The following DDX46 variants were observed in gnomAD, a reference collection of about 807,000 sequenced individuals.
DDX46 encodes the protein DEAD-box helicase 46, also known as probable ATP-dependent RNA helicase DDX46.
In DDX46, 30 loss-of-function variants were observed where a neutral mutation model predicts 134.9. The observed-to-expected ratio is 0.22, with a 90% CI of 0.17 to 0.30. DDX46 has a LOEUF of 0.30. DDX46 is among the 10% of genes least tolerant of loss of function. The pLI, the probability that DDX46 is intolerant of heterozygous loss-of-function variation, is 1.00. For missense variants in DDX46, 622 were observed against 1,248.7 expected (o/e 0.50, Z 7.56); for synonymous variants, 415 against 404.1 (o/e 1.03, Z -0.32).
intron 15 of DDX46, among the ~76,000 whole-genome samples, chr5:134,796,569 C>G (rs998299222): frequency 6.6e-5 from 10 of 152,150 alleles, no homozygotes; most frequent in African/African-American, 2.2e-4. Context: ...ACACAAAACA[C>G]AGACCGGGCA....
intron 3 of DDX46, 98 bp downstream of exon 3, chr5:134,767,158 G>A (rs1375868946): frequency 1.4e-6 from 2 of 1,425,740 alleles, no homozygotes; most frequent in Non-Finnish European, 1.9e-6. Context: ...TATTTATAGA[G>A]AATTAACTGC....
rs566528907 is a variant in DDX46, at chr5:134,810,343, C to CT, written c.2149-866dup. Among the ~76,000 whole-genome samples the CT allele has an allele frequency of 2.1e-3, 307 of 144,872 alleles. 1 individual carries two copies. Among genetic ancestry groups the CT allele is most frequent in the African/African-American group, 5.3e-3 (213 of 39,852 alleles). On this transcript the variant is annotated intron_variant, in intron 16 of 22. Coordinates refer to ENST00000452510, the MANE Select transcript of DDX46 (RefSeq NM_001300860.2). The stretch of plus-strand genomic sequence containing the variant: ...CATTTGTGTAAAATTACCTATGTTT[C>CT]TTTTTTTTTTTTGAGACGGAGTTTC...
chr5:134,778,278 A>C (rs919630345), intron 6 of DDX46, among the ~76,000 whole-genome samples: 3 of 152,138 alleles, frequency 2.0e-5, no homozygotes, highest in Non-Finnish European at 4.4e-5. Context: ...TCGGCCTCCC[A>C]AAATACTTGG....
chr5:134,814,828 CTG>C (rs1349619588), intron 18 of DDX46, among the ~76,000 whole-genome samples: 2 of 152,174 alleles, frequency 1.3e-5, no homozygotes, highest in African/African-American at 4.8e-5. Flanking sequence ...GTTGCCCAGG[CTG>C]GTCTTGAACT....
chr5:134,810,117 T>C (rs1755100360), intron 16 of DDX46, among the ~76,000 whole-genome samples: 1 of 152,126 alleles, frequency 6.6e-6, no homozygotes, highest in Non-Finnish European at 1.5e-5. Context: ...TTGCCATTTT[T>C]GCCCAGGCTG....
chr5:134,781,896 TTTAA>T, intron 7 of DDX46, 21 bp from the exon 8 acceptor site: 1 of 1,589,532 alleles, frequency 6.3e-7, no homozygotes, highest in Non-Finnish European at 8.5e-7. Flanking sequence ...AACTTAGCGC[TTTAA>T]TTTTTTCTTT....
chr5:134,809,037 A>G (rs1218641618), intron 16 of DDX46, among the ~76,000 whole-genome samples: 1 of 152,202 alleles, frequency 6.6e-6, no homozygotes, highest in Non-Finnish European at 1.5e-5. Flanking sequence ...CCTTTGAGGT[A>G]AATAATATTA....
intron 14 of DDX46, 62 bp downstream of exon 14, chr5:134,795,076 T>A: frequency 6.3e-7 from 1 of 1,577,604 alleles, no homozygotes; most frequent in South Asian, 1.2e-5. Context: ...GTATGATTCT[T>A]CTATGATCAC....
At chr5:134,814,611 GGTTTT>G (rs779588723) in intron 18 of DDX46, among the ~76,000 whole-genome samples, 2 of 151,978 alleles carry the variant, frequency 1.3e-5, no homozygotes, top group African/African-American at 2.4e-5. Context: ...GTTTTCTTGG[GGTTTT>G]GTTTTGTTTT....
intron 1 of DDX46, among the ~76,000 whole-genome samples, chr5:134,763,023 C>T (rs1279257911): frequency 6.6e-6 from 1 of 151,744 alleles, no homozygotes; most frequent in East Asian, 1.9e-4. Flanking sequence ...TGTGCCACTG[C>T]ACTCCAGCCT....
chr5:134,767,118 G>A (rs1753597277), intron 3 of DDX46, 58 bp downstream of exon 3: 1 of 1,498,018 alleles, frequency 6.7e-7, no homozygotes, highest in Non-Finnish European at 8.9e-7. Flanking sequence ...TCCCTTCTCT[G>A]CGCCTTTTTT....
At chr5:134,780,568 A>C (rs531775792) in intron 6 of DDX46, among the ~76,000 whole-genome samples, 9 of 134,904 alleles carry the variant, frequency 6.7e-5, no homozygotes, top group African/African-American at 1.6e-4. Flanking sequence ...TTATCTCAAT[A>C]AATAAATAAA....
intron 2 of DDX46, among the ~76,000 whole-genome samples, 183 bp downstream of exon 2, chr5:134,764,275 GT>G (rs113290220): frequency 0.022 from 3,119 of 141,224 alleles, 90 homozygotes; most frequent in African/African-American, 0.072. Flanking sequence ...ATCAAACAGT[GT>G]TTTTTTTTTT....
chr5:134,773,976 GT>G, intron 5 of DDX46, 115 bp downstream of exon 5: 1 of 1,094,848 alleles, frequency 9.1e-7, no homozygotes, highest in Non-Finnish European at 1.2e-6. Flanking sequence ...ATAATATGCT[GT>G]TTACCATTTT....
At chr5:134,806,632 T>C (rs922462353) in intron 15 of DDX46, among the ~76,000 whole-genome samples, 1 of 152,216 alleles carries the variant, frequency 6.6e-6, no homozygotes, top group African/African-American at 2.4e-5. Flanking sequence ...TTCCTTTAAA[T>C]CAATCCTTGA....
chr5:134,790,842 A>G (rs1375241157), intron 13 of DDX46, among the ~76,000 whole-genome samples: 1 of 151,540 alleles, frequency 6.6e-6, no homozygotes, highest in Non-Finnish European at 1.5e-5. Context: ...TTTTTTTTTC[A>G]GATGGAGTCT....
chr5:134,785,039 C>G (rs1754288029), intron 10 of DDX46, among the ~76,000 whole-genome samples: 1 of 152,110 alleles, frequency 6.6e-6, no homozygotes. Flanking sequence ...GAAAGTTGTT[C>G]AGCTTCTCTC....
At chr5:134,821,995 G>T (rs1755469195) in intron 21 of DDX46, among the ~76,000 whole-genome samples, 1 of 150,510 alleles carries the variant, frequency 6.6e-6, no homozygotes, top group Admixed American at 6.6e-5. Context: ...CAGGTTCAAG[G>T]AGTTCTCCCT....
At chr5:134,767,593 G>T (rs747734417) in intron 3 of DDX46, among the ~76,000 whole-genome samples, 2 of 151,742 alleles carry the variant, frequency 1.3e-5, no homozygotes, top group Non-Finnish European at 2.9e-5. Context: ...TGCCCACCTC[G>T]GCTTCCCAAA....
Sources: allele counts gnomAD v4.1 joint callset (sites outside exome capture counted in the v4.1 genomes callset), GRCh38; gene constraint gnomAD v4.1.1; transcripts MANE v1.5; gene names NCBI Gene and HGNC (gene_info 2026-07-23, HGNC 2026-07-21).